Variants in ENTREP2 observed in about 807,000 individuals in gnomAD.
ENTREP2 encodes the protein protein ENTREP2.
chr15:29,550,973 T>A, the ENTREP2 span, among the ~76,000 whole-genome samples: 1 of 152,152 alleles, frequency 6.6e-6, no homozygotes, highest in African/African-American at 2.4e-5. Flanking sequence ...TCAGATTTCC[T>A]CACCTCTGGC....
At chr15:29,321,392 G>C in the ENTREP2 span, among the ~76,000 whole-genome samples, 3 of 152,142 alleles carry the variant, frequency 2.0e-5, no homozygotes, top group African/African-American at 7.2e-5. Flanking sequence ...GCTCATGCCT[G>C]TAATCCCAGC....
chr15:29,657,271 G>C, the ENTREP2 span, among the ~76,000 whole-genome samples: 2 of 151,428 alleles, frequency 1.3e-5, no homozygotes, highest in East Asian at 1.9e-4. Context: ...GTATTAGCCA[G>C]GATGGTCGCA....
chr15:29,358,231 T>C, the ENTREP2 span, among the ~76,000 whole-genome samples: 1 of 152,274 alleles, frequency 6.6e-6, no homozygotes, highest in Admixed American at 6.5e-5. Context: ...ATTCACACCA[T>C]GGAAGACTGC....
the ENTREP2 span, among the ~76,000 whole-genome samples, chr15:29,194,346 A>G: frequency 6.6e-6 from 1 of 152,224 alleles, no homozygotes; most frequent in Non-Finnish European, 1.5e-5. Flanking sequence ...TGCCACTTCC[A>G]GACCATTGGC....
chr15:29,493,556 G>T, the ENTREP2 span, among the ~76,000 whole-genome samples: 1 of 151,912 alleles, frequency 6.6e-6, no homozygotes, highest in Non-Finnish European at 1.5e-5. Context: ...ATTCAAGGCT[G>T]CAGTGAGCTA....
At chr15:29,548,908 G>A in the ENTREP2 span, among the ~76,000 whole-genome samples, 3 of 152,308 alleles carry the variant, frequency 2.0e-5, no homozygotes, top group East Asian at 5.8e-4. Flanking sequence ...GGGCTGAGGA[G>A]GTGCTTGTGT....
the ENTREP2 span, among the ~76,000 whole-genome samples, chr15:29,406,382 A>C: frequency 1.3e-5 from 2 of 152,128 alleles, no homozygotes; most frequent in African/African-American, 4.8e-5. Context: ...CCGCATCTCT[A>C]CTAAAAATAC....
the ENTREP2 span, among the ~76,000 whole-genome samples, chr15:29,151,196 C>T: frequency 6.6e-6 from 1 of 152,164 alleles, no homozygotes; most frequent in African/African-American, 2.4e-5. Context: ...CGGGCCTCCT[C>T]GCTGCCCCTG....
At chr15:29,171,134 A>C in the ENTREP2 span, among the ~76,000 whole-genome samples, 1 of 152,160 alleles carries the variant, frequency 6.6e-6, no homozygotes, top group Non-Finnish European at 1.5e-5. Context: ...CTCACGACCC[A>C]ATCACCTATT....
the ENTREP2 span, among the ~76,000 whole-genome samples, chr15:29,664,131 C>G: frequency 6.6e-6 from 1 of 152,014 alleles, no homozygotes; most frequent in Admixed American, 6.6e-5. Context: ...ATGTGAATTC[C>G]TTTGTGCTAT....
the ENTREP2 span, among the ~76,000 whole-genome samples, chr15:29,232,993 T>G: frequency 6.6e-6 from 1 of 152,218 alleles, no homozygotes; most frequent in Non-Finnish European, 1.5e-5. Flanking sequence ...TCTTCCTATC[T>G]CCAACCTTTT....
At chr15:29,204,329 C>T in the ENTREP2 span, among the ~76,000 whole-genome samples, 14 of 152,166 alleles carry the variant, frequency 9.2e-5, no homozygotes, top group Middle Eastern at 3.2e-3. Flanking sequence ...GATGCCCCCA[C>T]GATTCTCTTA....
At chr15:29,419,776 C>T in the ENTREP2 span, among the ~76,000 whole-genome samples, 1 of 152,100 alleles carries the variant, frequency 6.6e-6, no homozygotes, top group Admixed American at 6.5e-5. Context: ...ATGGAAACCA[C>T]CTTTTAAGTC....
chr15:29,190,243 G>A, the ENTREP2 span, among the ~76,000 whole-genome samples: 2 of 152,140 alleles, frequency 1.3e-5, no homozygotes, highest in Admixed American at 6.5e-5. Flanking sequence ...GTGGTGTGGT[G>A]GAGTTCCAGG....
the ENTREP2 span, among the ~76,000 whole-genome samples, chr15:29,241,578 AAAAG>A: frequency 6.6e-6 from 1 of 152,202 alleles, no homozygotes; most frequent in Admixed American, 6.5e-5. Flanking sequence ...TTCATATTTA[AAAAG>A]AAAGGGAAAA....
At chr15:29,616,552 T>C in the ENTREP2 span, among the ~76,000 whole-genome samples, 2 of 152,204 alleles carry the variant, frequency 1.3e-5, no homozygotes, top group Non-Finnish European at 2.9e-5. Flanking sequence ...GCATTGCATA[T>C]ATTTAAGGTG....
At chr15:29,477,355 G>A in the ENTREP2 span, among the ~76,000 whole-genome samples, 1 of 152,016 alleles carries the variant, frequency 6.6e-6, no homozygotes, top group African/African-American at 2.4e-5. Flanking sequence ...AAAACATACT[G>A]AGCTATACAC....
At chr15:29,281,172 C>T in the ENTREP2 span, among the ~76,000 whole-genome samples, 20 of 152,250 alleles carry the variant, frequency 1.3e-4, no homozygotes, top group African/African-American at 1.7e-4. Flanking sequence ...ACACCTGTTA[C>T]GCTTAATCCT....
At chr15:29,630,948 G>A in the ENTREP2 span, among the ~76,000 whole-genome samples, 2 of 152,136 alleles carry the variant, frequency 1.3e-5, no homozygotes, top group Non-Finnish European at 2.9e-5. Context: ...TCTCAAAATG[G>A]TGGCATTACA....
Sources: gnomAD v4.1 joint callset for allele counts (sites outside exome capture counted in the v4.1 genomes callset) on GRCh38, gnomAD v4.1.1 for gene constraint, MANE v1.5 for transcripts, NCBI Gene and HGNC (gene_info 2026-07-23, HGNC 2026-07-21) for gene names.